DZIP1: variants seen among roughly 807,000 people sequenced by gnomAD.
The protein encoded by DZIP1 is cilium assembly protein DZIP1.
A neutral mutation model predicts 107.6 loss-of-function variants in DZIP1; 97 were observed. The observed-to-expected ratio is 0.90, with a 90% CI of 0.77 to 1.07. The LOEUF (loss-of-function observed/expected upper bound fraction) is 1.07. Among genes scored for constraint, DZIP1 ranks in the 50% least tolerant of loss-of-function variants. The pLI is 0.00. For synonymous variants in DZIP1, 390 were observed against 386.4 expected (o/e 1.01, Z -0.11); for missense variants, 1,035 against 1,063.6 (o/e 0.97, Z 0.37).
chr13:95,620,703 T>G (rs1376052691), intron 9 of DZIP1, among the ~76,000 whole-genome samples: 1 of 152,132 alleles, frequency 6.6e-6, no homozygotes, highest in East Asian at 1.9e-4. Flanking sequence ...AACACTTTAT[T>G]TGCAAAAGGA....
intron 16 of DZIP1, 140 bp downstream of exon 16, chr13:95,593,804 T>G: frequency 1.0e-6 from 1 of 964,428 alleles, no homozygotes; most frequent in Non-Finnish European, 1.5e-6. Context: ...AAGTGTTTGA[T>G]AAATAAAGTA....
At chr13:95,618,117 A>G (rs1875368489) in intron 10 of DZIP1, 1 of 499,804 alleles carries the variant, frequency 2.0e-6, no homozygotes, top group Non-Finnish European at 4.0e-6. Flanking sequence ...TGATCCACAC[A>G]CAGCCCTAAT....
Position 95,611,179 on chromosome 13 carries a change from T to A in DZIP1, c.1363+266A>T, listed in dbSNP as rs376853777. On this transcript the variant is annotated intron_variant, in intron 12 of 22. Coordinates refer to ENST00000376829, the MANE Select transcript of DZIP1 (RefSeq NM_198968.4). Reference sequence around the variant, plus strand: ...TATAAGTCAAGAGGTAAATGGCTCCTAAGCAGGTATTATGTGCCTAATAGT... The same window carrying A: ...TATAAGTCAAGAGGTAAATGGCTCCAAAGCAGGTATTATGTGCCTAATAGT... 1.1e-4 allele frequency among the ~76,000 whole-genome samples: 16 copies of A among 152,350 alleles called. No individual in the cohort carries two copies. The East Asian group carries it at 3.1e-3, about 29-fold the overall frequency.
chr13:95,602,917 C>T (rs1341753633), intron 14 of DZIP1, among the ~76,000 whole-genome samples: 1 of 152,208 alleles, frequency 6.6e-6, no homozygotes, highest in African/African-American at 2.4e-5. Flanking sequence ...GAGCATACCA[C>T]CTGTCATGTA....
intron 10 of DZIP1, among the ~76,000 whole-genome samples, chr13:95,619,051 TA>T (rs1474078642): frequency 6.6e-6 from 1 of 150,646 alleles, no homozygotes; most frequent in Non-Finnish European, 1.5e-5. Flanking sequence ...CTTGCCTTTT[TA>T]AAAAATTACT....
intron 15 of DZIP1, among the ~76,000 whole-genome samples, chr13:95,597,563 A>G (rs1263517578): frequency 6.6e-6 from 1 of 152,224 alleles, no homozygotes; most frequent in Non-Finnish European, 1.5e-5. Context: ...TTCAACCTAT[A>G]GGGCTCAGAA....
chr13:95,635,429 T>G (rs1419885307), intron 5 of DZIP1, among the ~76,000 whole-genome samples: 1 of 152,100 alleles, frequency 6.6e-6, no homozygotes, highest in Non-Finnish European at 1.5e-5. Context: ...ACTCTCAACC[T>G]CAAATGATCC....
chr13:95,584,809 C>A lies in DZIP1; in HGVS notation c.2451G>T (p.Ala817=). The A allele has an allele frequency of 6.2e-7, 1 of 1,614,070 alleles. No individual in the cohort carries two copies. The highest frequency in any genetic ancestry group is 1.1e-5 in the South Asian group (1 of 91,072). The change falls in exon 22 of 23, where the codon GCG becomes GCT. Residue 817 remains alanine (A), a synonymous_variant. Transcript: ENST00000376829. ...SGKEQKEPPP[A]KNEPHFAHVL... is the part of the protein sequence containing the mutation. ...CATGAGCAAAATGTGGTTCATTTTTCGCAGGTGGAGGTTCCTTCTGTTCTT... is the reference window on the plus strand; with the variant it reads ...CATGAGCAAAATGTGGTTCATTTTTAGCAGGTGGAGGTTCCTTCTGTTCTT...
intron 13 of DZIP1, among the ~76,000 whole-genome samples, chr13:95,608,660 T>G (rs967036568): frequency 6.6e-6 from 1 of 152,204 alleles, no homozygotes; most frequent in African/African-American, 2.4e-5. Flanking sequence ...CCTTAACTAC[T>G]GCTTAACTTC....
intron 19 of DZIP1, among the ~76,000 whole-genome samples, chr13:95,588,401 A>G (rs948862129): frequency 6.6e-6 from 1 of 152,206 alleles, no homozygotes; most frequent in Non-Finnish European, 1.5e-5. Context: ...AAAGATATTT[A>G]TGTCATCAAT....
At chr13:95,620,476 T>C (rs1875691704) in intron 9 of DZIP1, among the ~76,000 whole-genome samples, 1 of 152,202 alleles carries the variant, frequency 6.6e-6, no homozygotes, top group African/African-American at 2.4e-5. Flanking sequence ...CTTAAATACA[T>C]TTGCATCTGG....
chr13:95,617,942 A>G (rs372438798), intron 10 of DZIP1: 15 of 519,044 alleles, frequency 2.9e-5, no homozygotes, highest in Non-Finnish European at 5.8e-5. Flanking sequence ...CAAGATGAGC[A>G]TCTGGAGGAA....
At chr13:95,632,142 C>T (rs1404249014) in intron 6 of DZIP1, among the ~76,000 whole-genome samples, 1 of 152,134 alleles carries the variant, frequency 6.6e-6, no homozygotes, top group Non-Finnish European at 1.5e-5. Context: ...GACCTCATCA[C>T]TTTCTATTCT....
chr13:95,634,438 T>C (rs1413441067), intron 5 of DZIP1, among the ~76,000 whole-genome samples: 1 of 10,950 alleles, frequency 9.1e-5, no homozygotes, highest in East Asian at 4.2e-3. Flanking sequence ...TTTTAGAATA[T>C]AGATTTCTGA....
At chr13:95,606,503 C>T (rs1017716254) in intron 13 of DZIP1, among the ~76,000 whole-genome samples, 4 of 152,162 alleles carry the variant, frequency 2.6e-5, no homozygotes, top group African/African-American at 7.2e-5. Context: ...TGGTCCCTTG[C>T]GTCTGGTTTT....
At position 95,642,041 on chromosome 13, in the gene DZIP1, G is replaced by C. The variant is rs867019090; in HGVS notation, c.-12C>G. ...GCCTCAGCTTGCATAGGAGGAGCCGGGCGGTCTTTACCCAGCCTGGGCCGC... is the reference window on the plus strand; with the variant it reads ...GCCTCAGCTTGCATAGGAGGAGCCGCGCGGTCTTTACCCAGCCTGGGCCGC... On this transcript the variant is annotated 5_prime_UTR_variant, in exon 4 of 23. Transcript: ENST00000376829. 6.4e-7 allele frequency: 1 copy of C among 1,566,430 alleles called. No individual in the cohort carries two copies.
At chr13:95,599,713 A>G (rs2044558992) in intron 14 of DZIP1, among the ~76,000 whole-genome samples, 1 of 152,210 alleles carries the variant, frequency 6.6e-6, no homozygotes, top group Non-Finnish European at 1.5e-5. Context: ...TAGCCTTTTA[A>G]GACACAAGGG....
chr13:95,596,177 G>A (rs1301861695), intron 15 of DZIP1, among the ~76,000 whole-genome samples: 3 of 152,100 alleles, frequency 2.0e-5, no homozygotes, highest in Non-Finnish European at 4.4e-5. Context: ...TGTAGAAGTG[G>A]AATTAATCAC....
intron 17 of DZIP1, 82 bp from the exon 18 acceptor site, chr13:95,590,014 C>A: frequency 6.7e-7 from 1 of 1,498,074 alleles, no homozygotes; most frequent in East Asian, 2.3e-5. Context: ...ATAATACCCC[C>A]TATGCTGCTG....
Sources: gnomAD v4.1 joint callset for allele counts (sites outside exome capture counted in the v4.1 genomes callset) on GRCh38, gnomAD v4.1.1 for gene constraint, MANE v1.5 for transcripts, NCBI Gene and HGNC (gene_info 2026-07-23, HGNC 2026-07-21) for gene names.